Variants in DAAM1 observed in about 807,000 individuals in gnomAD.
The protein encoded by DAAM1 is dishevelled associated activator of morphogenesis 1.
A neutral mutation model predicts 130.0 loss-of-function variants in DAAM1; 52 were observed. The observed-to-expected ratio is 0.40, with a 90% CI of 0.32 to 0.50. The LOEUF is 0.50. DAAM1 is among the 20% of genes least tolerant of loss of function. The pLI, the probability that DAAM1 is intolerant of heterozygous loss-of-function variation, is 0.61. For missense variants in DAAM1, 1,134 were observed against 1,303.8 expected (o/e 0.87, Z 2.01); for synonymous variants, 452 against 444.5 (o/e 1.02, Z -0.21).
At chr14:59,291,585 A>C in intron 3 of DAAM1, 1 of 360,430 alleles carries the variant, frequency 2.8e-6, no homozygotes, top group Non-Finnish European at 5.1e-6. Flanking sequence ...ATTCCCCCCA[A>C]CCCTGCGCTT....
chr14:59,270,197 A>G (rs958026564), intron 2 of DAAM1, among the ~76,000 whole-genome samples: 1 of 152,172 alleles, frequency 6.6e-6, no homozygotes, highest in Non-Finnish European at 1.5e-5. Context: ...ATGTTGCTAT[A>G]AAGGGAATAC....
intron 3 of DAAM1, among the ~76,000 whole-genome samples, chr14:59,302,090 T>C (rs1266900020): frequency 6.6e-6 from 1 of 152,232 alleles, no homozygotes; most frequent in Non-Finnish European, 1.5e-5. Context: ...TTAGGAAAGA[T>C]GAACAGGTAG....
chr14:59,342,723 C>T (rs187540981), intron 16 of DAAM1, among the ~76,000 whole-genome samples: 124 of 152,230 alleles, frequency 8.1e-4, no homozygotes, highest in African/African-American at 2.7e-3. Context: ...AAGATTTGTG[C>T]GCAGTTCAGG....
chr14:59,237,496 A>G (rs982744284), intron 1 of DAAM1, among the ~76,000 whole-genome samples: 1 of 152,232 alleles, frequency 6.6e-6, no homozygotes, highest in African/African-American at 2.4e-5. Context: ...AATAATTTAC[A>G]TAAGAAGTGA....
At chr14:59,206,516 C>A (rs1008720002) in intron 1 of DAAM1, among the ~76,000 whole-genome samples, 1 of 152,126 alleles carries the variant, frequency 6.6e-6, no homozygotes, top group African/African-American at 2.4e-5. Flanking sequence ...ACCTCGTAAT[C>A]TGCCTGCTGC....
At chr14:59,350,871 GC>G (rs1246233097) in intron 17 of DAAM1, among the ~76,000 whole-genome samples, 1 of 151,874 alleles carries the variant, frequency 6.6e-6, no homozygotes, top group Non-Finnish European at 1.5e-5. Context: ...TCTCTTGATG[GC>G]ACCTCTTCTA....
At chr14:59,317,650 T>G (rs1884840960) in intron 4 of DAAM1, among the ~76,000 whole-genome samples, 1 of 152,176 alleles carries the variant, frequency 6.6e-6, no homozygotes, top group Admixed American at 6.5e-5. Flanking sequence ...TAACAGGCAC[T>G]TCATATGTTG....
intron 16 of DAAM1, among the ~76,000 whole-genome samples, chr14:59,343,791 A>G (rs1456715591): frequency 1.3e-5 from 2 of 152,152 alleles, no homozygotes; most frequent in African/African-American, 2.4e-5. Flanking sequence ...TGAGTAGGAT[A>G]TTTGCAGCAT....
chr14:59,334,892 T>C (rs942218231), intron 15 of DAAM1, among the ~76,000 whole-genome samples: 1 of 152,178 alleles, frequency 6.6e-6, no homozygotes, highest in Non-Finnish European at 1.5e-5. Context: ...TAAATAACTA[T>C]AATATGGACT....
chr14:59,325,913 C>A, intron 9 of DAAM1, 47 bp from the exon 10 acceptor site: 2 of 1,579,840 alleles, frequency 1.3e-6, no homozygotes, highest in Non-Finnish European at 1.7e-6. Context: ...ACTGGGGAAA[C>A]TGAGGAACTT....
Position 59,367,561 on chromosome 14 carries a change from AAGG to A in DAAM1, c.2964_2966del (p.Glu991del), listed in dbSNP as rs748140674. On this transcript the variant is annotated inframe_deletion, in exon 24 of 25. Transcript: ENST00000360909. ...AGAAAACGAAAATATGAGAAAGAAA[AAGG>A]AGGAAGAAGAACGTCGAGCTCGCAT... 5.6e-6 allele frequency: 9 copies of A among 1,613,822 alleles called. No individual in the cohort carries two copies. Among genetic ancestry groups the A allele is most frequent in the Non-Finnish European group, 5.9e-6 (7 of 1,179,920 alleles).
chr14:59,325,728 C>T lies in DAAM1; in HGVS notation c.1054C>T (p.Leu352=), dbSNP rs1393801058. The T allele has an allele frequency of 5.0e-6, 8 of 1,613,952 alleles. No homozygotes were observed. In the South Asian group the frequency reaches 7.7e-5, roughly 16 times the overall value. The change falls in exon 9 of 25, where the codon CTG becomes TTG. Residue 352 remains leucine (L), a splice_region_variant and synonymous_variant. Transcript: ENST00000360909. ...ACTAGAATTTGCCAAAAGATTTGAA[C>T]TGGTACGTATGCTTACAATTATTCT... ...DELEFAKRFE[L]VHIDTKSATQ...
intron 5 of DAAM1, among the ~76,000 whole-genome samples, chr14:59,321,677 T>C (rs1304716238): frequency 1.3e-5 from 2 of 152,204 alleles, no homozygotes; most frequent in Non-Finnish European, 2.9e-5. Flanking sequence ...GGTCATGTGG[T>C]TGGGTGAAAA....
chr14:59,358,570 C>T lies in DAAM1; in HGVS notation c.2526-827C>T, dbSNP rs528115522. On this transcript the variant is annotated intron_variant, in intron 20 of 24. Coordinates refer to ENST00000360909, the MANE Select transcript of DAAM1 (RefSeq NM_001270520.2). ...TTAAAAACTATCAGTAGGCCAGACA[C>T]GGTGGCTCACACCTATAATCCCAGC... 3.3e-5 allele frequency among the ~76,000 whole-genome samples: 5 copies of T among 152,234 alleles called. No homozygotes were observed. In the South Asian group the frequency reaches 1.0e-3, roughly 32 times the overall value.
intron 3 of DAAM1, among the ~76,000 whole-genome samples, chr14:59,297,625 G>GT (rs1884004098): frequency 6.6e-6 from 1 of 152,078 alleles, no homozygotes; most frequent in Admixed American, 6.5e-5. Context: ...TTTGCTTTCC[G>GT]TGGTTTCACT....
chr14:59,202,424 G>C (rs1424412946), intron 1 of DAAM1, among the ~76,000 whole-genome samples: 2 of 152,206 alleles, frequency 1.3e-5, no homozygotes, highest in African/African-American at 4.8e-5. Flanking sequence ...AAGGAAAATA[G>C]CTGATTTTTA....
Position 59,325,651 on chromosome 14 carries a change from C to A in DAAM1, c.990-13C>A. 1 of 1,612,046 alleles carries A rather than the reference C, an allele frequency of 6.2e-7. No homozygotes were observed. The highest frequency in any genetic ancestry group is 8.5e-7 in the Non-Finnish European group (1 of 1,178,738). ...ATGTTCTACTTAATAACTTTTCTTT[C>A]ATTATTTTTCAGGCATTTAGACTTT... On this transcript the variant is annotated splice_polypyrimidine_tract_variant and intron_variant, in intron 8 of 24. Coordinates refer to ENST00000360909, the MANE Select transcript of DAAM1 (RefSeq NM_001270520.2).
intron 1 of DAAM1, among the ~76,000 whole-genome samples, chr14:59,204,318 C>T (rs1273713470): frequency 6.6e-6 from 1 of 152,172 alleles, no homozygotes; most frequent in African/African-American, 2.4e-5. Context: ...GGACTGAGGA[C>T]CACTAGCTGT....
chr14:59,204,336 G>A (rs1266124421), intron 1 of DAAM1, among the ~76,000 whole-genome samples: 1 of 152,168 alleles, frequency 6.6e-6, no homozygotes, highest in East Asian at 1.9e-4. Context: ...TGTGGGCCAG[G>A]GACTGCTTTT....
Sources: gnomAD v4.1 joint callset for allele counts (sites outside exome capture counted in the v4.1 genomes callset) on GRCh38, gnomAD v4.1.1 for gene constraint, MANE v1.5 for transcripts, NCBI Gene and HGNC (gene_info 2026-07-23, HGNC 2026-07-21) for gene names.